The following OTUD7A variants were observed in gnomAD, a reference collection of about 807,000 sequenced individuals.
The protein encoded by OTUD7A is OTU deubiquitinase 7A.
OTUD7A carries 12 observed loss-of-function variants against 65.7 expected under a neutral mutation model. That is an observed-to-expected ratio of 0.18 (90% CI 0.12 to 0.30). The LOEUF (loss-of-function observed/expected upper bound fraction) is 0.30. Among genes scored for constraint, OTUD7A ranks in the 10% least tolerant of loss-of-function variants. The pLI is 1.00. For synonymous variants in OTUD7A, 641 were observed against 586.3 expected, an observed-to-expected ratio of 1.09 and a Z score of -1.35; for missense variants, 1,148 against 1,304.8, an observed-to-expected ratio of 0.88 and a Z score of 1.85.
chr15:31,663,649 G>A (rs1892235841), intron 1 of OTUD7A, among the ~76,000 whole-genome samples: 2 of 152,040 alleles, frequency 1.3e-5, no homozygotes, highest in Non-Finnish European at 2.9e-5. Context: ...ATTCCATGAT[G>A]TATATGTACC....
chr15:31,622,859 GT>G (rs137967256), intron 3 of OTUD7A, among the ~76,000 whole-genome samples: 43,551 of 151,956 alleles, frequency 0.29, 7,376 homozygotes, highest in African/African-American at 0.47. Flanking sequence ...AGAATTTTCA[GT>G]TTTTCTGCTC....
rs141982659 is a variant in OTUD7A, at chr15:31,815,534, T to A, written c.-100+54973A>T. ...AATTTGTGTCTGAGTTCATTGAACATCCAGTGCTTCTGACCTCTCTGCCAC... is the reference window on the plus strand; with the variant it reads ...AATTTGTGTCTGAGTTCATTGAACAACCAGTGCTTCTGACCTCTCTGCCAC... On this transcript the variant is annotated intron_variant, in intron 1 of 12. Coordinates refer to ENST00000307050, the MANE Select transcript of OTUD7A (RefSeq NM_001382637.1). Among the ~76,000 whole-genome samples, 247 of 152,372 alleles carry A rather than the reference T, an allele frequency of 1.6e-3. 5 individuals carry two copies. In the East Asian group the frequency reaches 0.037, roughly 23 times the overall value.
At chr15:31,766,185 A>T in intron 1 of OTUD7A, 1 of 1,500,574 alleles carries the variant, frequency 6.7e-7, no homozygotes, top group South Asian at 1.1e-5. Flanking sequence ...TCCAGCAAGA[A>T]GCTCATCAAG....
At chr15:31,762,457 A>G (rs1894991818) in intron 1 of OTUD7A, among the ~76,000 whole-genome samples, 1 of 152,252 alleles carries the variant, frequency 6.6e-6, no homozygotes, top group Non-Finnish European at 1.5e-5. Flanking sequence ...AAGAACCAGA[A>G]AGACTGTGAA....
In OTUD7A at chr15:31,566,064, T is replaced by C. The variant is rs138822363; in HGVS notation, c.331+3954A>G. On this transcript the variant is annotated intron_variant, in intron 4 of 12. Coordinates refer to ENST00000307050, the MANE Select transcript of OTUD7A (RefSeq NM_001382637.1). ...AAAATTAGCTAGGCGTGGTGGCGGGTGCCTGTGTCCCAGTTACTCGGGAGG... is the reference window on the plus strand; with the variant it reads ...AAAATTAGCTAGGCGTGGTGGCGGGCGCCTGTGTCCCAGTTACTCGGGAGG... 4.6e-3 allele frequency among the ~76,000 whole-genome samples: 700 copies of C among 151,888 alleles called. 22 individuals carry two copies. The highest frequency in any genetic ancestry group is 0.028 in the Admixed American group (430 of 15,252).
At chr15:31,569,396 T>A (rs1484125115) in intron 4 of OTUD7A, among the ~76,000 whole-genome samples, 1 of 152,250 alleles carries the variant, frequency 6.6e-6, no homozygotes, top group East Asian at 1.9e-4. Flanking sequence ...CATCATCTCC[T>A]GCTCAGTGAA....
intron 5 of OTUD7A, among the ~76,000 whole-genome samples, chr15:31,555,264 C>CT (rs755040431): frequency 6.6e-6 from 1 of 152,146 alleles, no homozygotes; most frequent in Non-Finnish European, 1.5e-5. Flanking sequence ...CACCCAAAGT[C>CT]TTATGACAGA....
intron 8 of OTUD7A, among the ~76,000 whole-genome samples, chr15:31,509,021 C>T (rs911384219): frequency 1.8e-4 from 27 of 152,258 alleles, no homozygotes; most frequent in African/African-American, 6.5e-4. Context: ...TGTTTTTTAA[C>T]ATTAATGTGC....
chr15:31,631,452 A>G (rs1200945544), intron 3 of OTUD7A, among the ~76,000 whole-genome samples: 4 of 152,214 alleles, frequency 2.6e-5, no homozygotes, highest in Non-Finnish European at 5.9e-5. Context: ...TTCTGCCGTG[A>G]GATCAGCTGT....
intron 3 of OTUD7A, among the ~76,000 whole-genome samples, chr15:31,640,978 T>G (rs2141261865): frequency 6.6e-6 from 1 of 152,334 alleles, no homozygotes; most frequent in South Asian, 2.1e-4. Flanking sequence ...TTATGAGTTT[T>G]AATATCAGGT....
chr15:31,735,533 C>CAAAAAAAAAAAAAAAAAAAAAAAAAAAA (rs71113418), intron 1 of OTUD7A, among the ~76,000 whole-genome samples: 1 of 134,688 alleles, frequency 7.4e-6, no homozygotes. Flanking sequence ...AACTCTGTCT[C>CAAAAAAAAAAAAAAAAAAAAAAAAAAAA]AAAAAAAAAA....
chr15:31,795,612 G>A (rs1895931299), intron 1 of OTUD7A, among the ~76,000 whole-genome samples: 1 of 152,204 alleles, frequency 6.6e-6, no homozygotes, highest in South Asian at 2.1e-4. Context: ...CCTCCCCATG[G>A]AGAGTGGGGC....
At chr15:31,506,980 G>C (rs921939566) in intron 8 of OTUD7A, among the ~76,000 whole-genome samples, 6 of 152,202 alleles carry the variant, frequency 3.9e-5, no homozygotes, top group Non-Finnish European at 4.4e-5. Flanking sequence ...AAATGTAATA[G>C]TGTAATAATT....
At chr15:31,486,742 C>T (rs2041243297) in intron 12 of OTUD7A, among the ~76,000 whole-genome samples, 1 of 152,220 alleles carries the variant, frequency 6.6e-6, no homozygotes, top group African/African-American at 2.4e-5. Flanking sequence ...AGTTCCCTGG[C>T]TTTTTTTGAG....
At chr15:31,840,831 G>A (rs1429986119) in intron 1 of OTUD7A, among the ~76,000 whole-genome samples, 4 of 152,266 alleles carry the variant, frequency 2.6e-5, no homozygotes, top group East Asian at 3.9e-4. Context: ...TATCTACCAC[G>A]GAAAAGGAAT....
At chr15:31,795,150 G>A (rs1895919349) in intron 1 of OTUD7A, among the ~76,000 whole-genome samples, 1 of 152,184 alleles carries the variant, frequency 6.6e-6, no homozygotes, top group African/African-American at 2.4e-5. Context: ...CGAATCCTAG[G>A]ATAAAAGGTT....
At chr15:31,494,794 C>T (rs1441856484) in intron 10 of OTUD7A, among the ~76,000 whole-genome samples, 1 of 152,240 alleles carries the variant, frequency 6.6e-6, no homozygotes, top group African/African-American at 2.4e-5. Flanking sequence ...TGAGTGCTGG[C>T]TGCTCCTGTC....
At chr15:31,497,129 G>A (rs1048822984) in intron 10 of OTUD7A, among the ~76,000 whole-genome samples, 14 of 152,200 alleles carry the variant, frequency 9.2e-5, no homozygotes, top group Non-Finnish European at 1.9e-4. Context: ...GACCCTTGGG[G>A]GAAGGCACTG....
chr15:31,753,702 T>TATATGTGA, intron 1 of OTUD7A, among the ~76,000 whole-genome samples: 1 of 11,188 alleles, frequency 8.9e-5, no homozygotes, highest in African/African-American at 1.1e-4. Flanking sequence ...TATATATATA[T>TATATGTGA]TATATATATA....
Sources: gnomAD v4.1 joint callset for allele counts (sites outside exome capture counted in the v4.1 genomes callset) on GRCh38, gnomAD v4.1.1 for gene constraint, MANE v1.5 for transcripts, NCBI Gene and HGNC (gene_info 2026-07-23, HGNC 2026-07-21) for gene names.